REDIC1: variants seen among roughly 807,000 people sequenced by gnomAD.
REDIC1 encodes the protein HEI10 Interacting Protein 1.
At chr12:39,660,185 A>G in the REDIC1 span, among the ~76,000 whole-genome samples, 1 of 152,188 alleles carries the variant, frequency 6.6e-6, no homozygotes, top group Non-Finnish European at 1.5e-5. Flanking sequence ...GCCGGTTAGT[A>G]TTTAGTTGAA....
the REDIC1 span, among the ~76,000 whole-genome samples, chr12:39,878,553 A>T: frequency 1.3e-5 from 2 of 152,188 alleles, no homozygotes; most frequent in African/African-American, 4.8e-5. Flanking sequence ...CTTGAGATTG[A>T]TTACTACAGT....
At chr12:39,793,502 A>G in the REDIC1 span, among the ~76,000 whole-genome samples, 4 of 152,146 alleles carry the variant, frequency 2.6e-5, no homozygotes, top group Non-Finnish European at 5.9e-5. Context: ...CCACAACAAC[A>G]TTATTCCCAT....
At chr12:39,631,048 C>G in the REDIC1 span, among the ~76,000 whole-genome samples, 1 of 152,056 alleles carries the variant, frequency 6.6e-6, no homozygotes, top group East Asian at 1.9e-4. Context: ...GCCACTATGC[C>G]CAGCTAATTT....
At chr12:39,783,707 T>G in the REDIC1 span, among the ~76,000 whole-genome samples, 6 of 152,208 alleles carry the variant, frequency 3.9e-5, no homozygotes, top group African/African-American at 1.2e-4. Flanking sequence ...GCCCACTTTT[T>G]GGGGGTTGTT....
At chr12:39,827,985 T>C in the REDIC1 span, among the ~76,000 whole-genome samples, 5 of 152,112 alleles carry the variant, frequency 3.3e-5, no homozygotes, top group Non-Finnish European at 7.4e-5. Flanking sequence ...TAGATGGGAA[T>C]CCAAGGTCAT....
the REDIC1 span, among the ~76,000 whole-genome samples, chr12:39,668,013 T>G: frequency 1.3e-5 from 2 of 152,340 alleles, no homozygotes; most frequent in East Asian, 3.9e-4. Context: ...GTCTTAACTC[T>G]TTATCCAATT....
chr12:39,641,804 T>C, the REDIC1 span, among the ~76,000 whole-genome samples: 4 of 151,726 alleles, frequency 2.6e-5, no homozygotes, highest in Non-Finnish European at 5.9e-5. Context: ...TGGAGTGATA[T>C]TATAAAAGCA....
the REDIC1 span, among the ~76,000 whole-genome samples, chr12:39,712,074 C>G: frequency 2.2e-5 from 1 of 45,540 alleles, no homozygotes; most frequent in Middle Eastern, 0.033. Context: ...GTATATATAC[C>G]GGTATGTATA....
chr12:39,724,537 C>A, the REDIC1 span, among the ~76,000 whole-genome samples: 1 of 152,150 alleles, frequency 6.6e-6, no homozygotes, highest in Non-Finnish European at 1.5e-5. Context: ...ATACCCCAAA[C>A]AAACTATATG....
the REDIC1 span, among the ~76,000 whole-genome samples, chr12:39,639,108 T>C: frequency 3.0e-3 from 460 of 152,158 alleles, 4 homozygotes; most frequent in Middle Eastern, 6.8e-3. Context: ...TTTCTGTGCA[T>C]AAGCTTTGTG....
At chr12:39,677,617 A>G in the REDIC1 span, among the ~76,000 whole-genome samples, 9 of 152,184 alleles carry the variant, frequency 5.9e-5, no homozygotes, top group Non-Finnish European at 1.3e-4. Context: ...AGAATATTGT[A>G]CCCCAAAACT....
At chr12:39,774,916 G>A in the REDIC1 span, among the ~76,000 whole-genome samples, 9 of 152,138 alleles carry the variant, frequency 5.9e-5, no homozygotes, top group Admixed American at 2.0e-4. Flanking sequence ...ATTTAAAGGT[G>A]ATGAGACTAT....
the REDIC1 span, among the ~76,000 whole-genome samples, chr12:39,677,191 CA>C: frequency 6.6e-6 from 1 of 152,102 alleles, no homozygotes; most frequent in Non-Finnish European, 1.5e-5. Flanking sequence ...CCATTGTCTT[CA>C]AGAGACTTAT....
At chr12:39,634,069 A>G in the REDIC1 span, among the ~76,000 whole-genome samples, 1 of 152,100 alleles carries the variant, frequency 6.6e-6, no homozygotes, top group South Asian at 2.1e-4. Flanking sequence ...AGGAGCTTGG[A>G]AGGTTCTTCC....
the REDIC1 span, among the ~76,000 whole-genome samples, chr12:39,716,150 A>G: frequency 6.6e-6 from 1 of 151,830 alleles, no homozygotes; most frequent in Non-Finnish European, 1.5e-5. Flanking sequence ...TAGCAGACCC[A>G]TTTTCATAAA....
the REDIC1 span, among the ~76,000 whole-genome samples, chr12:39,724,793 A>G: frequency 6.6e-6 from 1 of 152,156 alleles, no homozygotes. Context: ...TGAAATATAT[A>G]TAAGCATAAA....
chr12:39,846,951 T>A, the REDIC1 span, among the ~76,000 whole-genome samples: 1 of 152,178 alleles, frequency 6.6e-6, no homozygotes, highest in Non-Finnish European at 1.5e-5. Flanking sequence ...TTTGTTCAGA[T>A]CACTCATTTT....
the REDIC1 span, among the ~76,000 whole-genome samples, chr12:39,771,883 T>G: frequency 6.6e-6 from 1 of 152,134 alleles, no homozygotes; most frequent in African/African-American, 2.4e-5. Flanking sequence ...ACTAAATTAC[T>G]TATTTTCTGA....
chr12:39,683,173 A>T, the REDIC1 span: 4 of 1,527,776 alleles, frequency 2.6e-6, no homozygotes, highest in Non-Finnish European at 3.5e-6. Context: ...GTAATTACAT[A>T]TTCTTTTTTT....
Sources: gnomAD v4.1 joint callset for allele counts (sites outside exome capture counted in the v4.1 genomes callset) on GRCh38, gnomAD v4.1.1 for gene constraint, MANE v1.5 for transcripts, NCBI Gene and HGNC (gene_info 2026-07-23, HGNC 2026-07-21) for gene names.